The following SAFB2 variants were observed in gnomAD, a reference collection of about 807,000 sequenced individuals.
The protein encoded by SAFB2 is scaffold attachment factor B2.
Under a neutral mutation model 100.6 loss-of-function variants are expected in SAFB2, and 32 were observed. That is an observed-to-expected ratio of 0.32 (90% CI 0.24 to 0.43). The LOEUF is 0.43. Ranked by LOEUF, SAFB2 falls within the 20% of genes least tolerant of loss-of-function variation. SAFB2 has a pLI of 1.00. For synonymous variants in SAFB2, 500 were observed against 439.4 expected (o/e 1.14, Z -1.72); for missense variants, 1,185 against 1,163.4 (o/e 1.02, Z -0.27).
Position 5,587,088 on chromosome 19 carries a change from T to TAAAAA in SAFB2, c.*150_*154dup. ...ATGGCAGAACAAGAACACATTTATT[T>TAAAAA]AAAAAAAAAAAAAAAGTGAGTTCAC... On this transcript the variant is annotated 3_prime_UTR_variant, in exon 21 of 21. Transcript: ENST00000252542. The surrounding 1 kb of genome is among the most constrained non-coding windows in gnomAD (Gnocchi z 4.9). 1 of 790,932 alleles carries TAAAAA rather than the reference T, an allele frequency of 1.3e-6. No individual in the cohort carries two copies. Among genetic ancestry groups the TAAAAA allele is most frequent in the Non-Finnish European group, 1.9e-6 (1 of 531,726 alleles). 49.0% of individuals were successfully genotyped at this position (790,932 alleles called of 1,614,324 possible). A position where few individuals can be genotyped will look rare whatever the true frequency, so the allele number is the denominator to read the frequency against.
rs372601976 is a variant in SAFB2, at chr19:5,618,310, C to A, written c.275-1824G>T. On this transcript the variant is annotated intron_variant, in intron 2 of 20. Coordinates refer to ENST00000252542, the MANE Select transcript of SAFB2 (RefSeq NM_014649.3). ...CCGGGAGGCGGAGCTTGCAGTGAGC[C>A]GAGATTGCACCACTGTACTCCAGCC... Among the ~76,000 whole-genome samples the A allele has an allele frequency of 3.6e-4, 54 of 152,068 alleles. No individual in the cohort carries two copies. The East Asian group carries it at 8.9e-3, about 25-fold the overall frequency.
Position 5,598,793 on chromosome 19 carries a change from T to C in SAFB2, c.1782A>G (p.Arg594=). The C allele has an allele frequency of 6.2e-7, 1 of 1,613,870 alleles. No individual in the cohort carries two copies. Among genetic ancestry groups the C allele is most frequent in the East Asian group, 2.2e-5 (1 of 44,872 alleles). ...CTGAGATGGCAGAGGCAATACTCAC[T>C]CTCTCTTTGGACCTGCTTGTGGTTT... ...SVKTTSRSKE[R]SSKSQDRKSE... Residue 594 remains arginine (R), a splice_region_variant and synonymous_variant, in exon 13 of 21, where the codon AGA becomes AGG. Transcript: ENST00000252542.
Position 5,600,223 on chromosome 19 carries a change from CCTT to C in SAFB2, c.1594_1596del (p.Lys532del), listed in dbSNP as rs760157117. The C allele has an allele frequency of 2.0e-5, 32 of 1,612,504 alleles. No individual in the cohort carries two copies. Among genetic ancestry groups the C allele is most frequent in the Admixed American group, 5.0e-5 (3 of 59,774 alleles). On this transcript the variant is annotated inframe_deletion, in exon 12 of 21. Transcript: ENST00000252542. ...TTAATGTCTTCAGGCTTTTTTTCCT[CCTT>C]CTTCTCAATCTTCTCTTCCTTCTTA... is the stretch of plus-strand genomic sequence containing the variant.
At chr19:5,595,903 A>C (rs1057514168) in intron 13 of SAFB2, among the ~76,000 whole-genome samples, 12 of 152,232 alleles carry the variant, frequency 7.9e-5, no homozygotes, top group African/African-American at 2.2e-4. Context: ...CTGTTTGGAC[A>C]GCTGGAGGGC....
chr19:5,615,789 G>A (rs970562686), intron 4 of SAFB2, among the ~76,000 whole-genome samples: 7 of 152,222 alleles, frequency 4.6e-5, no homozygotes, highest in Admixed American at 2.0e-4. Flanking sequence ...AATAAGCCCA[G>A]GTAGTCAGGA....
At position 5,590,448 on chromosome 19, in the gene SAFB2, C is replaced by T; in HGVS notation, c.2395-40G>A. 3 of 1,557,850 alleles carry T rather than the reference C, an allele frequency of 1.9e-6. No homozygotes were observed. The South Asian group carries it at 3.6e-5, about 19-fold the overall frequency. ...AGGAACAGGGTGACACTGACCATGT[C>T]ACCCACATAGGCCCACCTTCCGGAA... On this transcript the variant is annotated intron_variant, in intron 17 of 20. Coordinates refer to ENST00000252542, the MANE Select transcript of SAFB2 (RefSeq NM_014649.3).
chr19:5,593,028 C>T (rs1036438179), intron 15 of SAFB2, 141 bp from the exon 16 acceptor site: 10 of 739,872 alleles, frequency 1.4e-5, no homozygotes, highest in South Asian at 1.8e-5. Flanking sequence ...AATCTCTAAA[C>T]ATTCGATCAT....
intron 4 of SAFB2, 41 bp downstream of exon 4, chr19:5,616,091 G>T: frequency 6.3e-7 from 1 of 1,595,868 alleles, no homozygotes; most frequent in South Asian, 1.1e-5. Flanking sequence ...CAGGTGCCTC[G>T]GGGCTATGGG....
At chr19:5,590,216 GCAC>G in intron 18 of SAFB2, 59 bp downstream of exon 18, 1 of 1,378,590 alleles carries the variant, frequency 7.3e-7, no homozygotes, top group Non-Finnish European at 9.6e-7. Flanking sequence ...GCCTGGCCAG[GCAC>G]CAACCTTTTC....
chr19:5,596,404 C>A (rs2052537272), intron 13 of SAFB2, among the ~76,000 whole-genome samples: 1 of 152,130 alleles, frequency 6.6e-6, no homozygotes, highest in Admixed American at 6.6e-5. Context: ...TGTTGTCCAG[C>A]CTGGAGTACA....
At chr19:5,593,580 CAG>C (rs2052463530) in intron 15 of SAFB2, 1 of 320,232 alleles carries the variant, frequency 3.1e-6, no homozygotes, top group African/African-American at 2.2e-5. Flanking sequence ...TCTCGCAAGA[CAG>C]AGAACAGCTA....
intron 13 of SAFB2, 32 bp from the exon 14 acceptor site, chr19:5,595,529 G>A: frequency 3.1e-6 from 5 of 1,609,100 alleles, no homozygotes; most frequent in Non-Finnish European, 4.2e-6. Flanking sequence ...TTAATGTCAG[G>A]AAAATGATTG....
chr19:5,613,742 G>GT, intron 4 of SAFB2: 1 of 985,448 alleles, frequency 1.0e-6, no homozygotes. Context: ...TGGCCTGCAG[G>GT]TGGGTATGCC....
chr19:5,603,630 G>GCCAAGGTACC (rs3216957), intron 11 of SAFB2, among the ~76,000 whole-genome samples: 1 of 152,022 alleles, frequency 6.6e-6, no homozygotes, highest in African/African-American at 2.4e-5. Flanking sequence ...GCCAAGGTAC[G>GCCAAGGTACC]CCAAGGTACC....
intron 9 of SAFB2, among the ~76,000 whole-genome samples, chr19:5,606,910 G>A (rs1032019781): frequency 1.3e-5 from 2 of 152,174 alleles, no homozygotes; most frequent in African/African-American, 4.8e-5. Context: ...AAAAAGCAAC[G>A]AAGAGCACCT....
chr19:5,590,188 A>C, intron 18 of SAFB2, 90 bp downstream of exon 18: 1 of 1,236,606 alleles, frequency 8.1e-7, no homozygotes. Context: ...CCCTAGCTGA[A>C]TCAAACCTTG....
At position 5,610,070 on chromosome 19, in the gene SAFB2, C is replaced by T. The variant is rs200695933; in HGVS notation, c.1221G>A (p.Arg407=). 2.8e-5 allele frequency: 46 copies of T among 1,614,128 alleles called. No individual in the cohort carries two copies. In the Middle Eastern group the frequency reaches 4.9e-4, roughly 17 times the overall value. ...AGGACAGCCCGCTGACCCACAGGTTCCGACCAGAACCGCTGCCGACCCGAC... is the reference window on the plus strand; with the variant it reads ...AGGACAGCCCGCTGACCCACAGGTTTCGACCAGAACCGCTGCCGACCCGAC... ...EKGRVGSGSG[R]NLWVSGLSST... is the part of the protein sequence containing the mutation. The change falls in exon 9 of 21, where the codon CGG becomes CGA. Residue 407 remains arginine, a synonymous_variant. Coordinates refer to ENST00000252542, the MANE Select transcript of SAFB2 (RefSeq NM_014649.3).
rs754459554 is a variant in SAFB2 at position 5,595,396 on chromosome 19, C to T, written c.1884G>A (p.Gln628=). ...CCGTTTCGCGGATCTCCCGTTCCCG[C>T]TGCCTCTGGCGCTCTCTCTCCCTTT... is the stretch of plus-strand genomic sequence containing the variant. The part of the protein sequence containing the change: ...KEQRERERQR[Q]REREIRETER... The change falls in exon 14 of 21, where the codon CAG becomes CAA. Residue 628 remains glutamine, a synonymous_variant. Transcript: ENST00000252542. The T allele has an allele frequency of 1.4e-5, 22 of 1,613,070 alleles. No individual in the cohort carries two copies. Among genetic ancestry groups the T allele is most frequent in the Non-Finnish European group, 1.8e-5 (21 of 1,179,934 alleles).
chr19:5,617,270 T>TA (rs2053053125), intron 2 of SAFB2, among the ~76,000 whole-genome samples: 1 of 149,196 alleles, frequency 6.7e-6, no homozygotes, highest in African/African-American at 2.5e-5. Flanking sequence ...GCTCAAGAAC[T>TA]TTTTTTTTTC....
Sources: allele counts gnomAD v4.1 joint callset (sites outside exome capture counted in the v4.1 genomes callset), GRCh38; gene constraint gnomAD v4.1.1; non-coding constraint Gnocchi (gnomAD v3.1); transcripts MANE v1.5; gene names NCBI Gene and HGNC (gene_info 2026-07-23, HGNC 2026-07-21).